Variants in SLC39A12 observed in about 807,000 individuals in gnomAD.
The protein encoded by SLC39A12 is zinc transporter ZIP12.
SLC39A12 carries 63 observed loss-of-function variants against 71.1 expected under a neutral mutation model. That is an observed-to-expected ratio of 0.89 (90% CI 0.72 to 1.09). The LOEUF (loss-of-function observed/expected upper bound fraction) is 1.09. Ranked by LOEUF, SLC39A12 falls within the 50% of genes least tolerant of loss-of-function variation. The pLI, the probability that SLC39A12 is intolerant of heterozygous loss-of-function variation, is 0.00. For synonymous variants in SLC39A12, 351 were observed against 301.3 expected, an observed-to-expected ratio of 1.16 and a Z score of -1.71; for missense variants, 892 against 812.6, an observed-to-expected ratio of 1.10 and a Z score of -1.19.
intron 12 of SLC39A12, among the ~76,000 whole-genome samples, chr10:18,036,747 TATATATA>T (rs1837038055): frequency 1.2e-4 from 1 of 8,188 alleles, no homozygotes; most frequent in Non-Finnish European, 2.2e-4. Flanking sequence ...TTTTAAAAAT[TATATATA>T]TATATATATA....
At chr10:17,984,299 A>C (rs1835347308) in intron 6 of SLC39A12, among the ~76,000 whole-genome samples, 1 of 152,258 alleles carries the variant, frequency 6.6e-6, no homozygotes, top group Admixed American at 6.5e-5. Context: ...AAGATTTGCT[A>C]ACCTCTGAAG....
At chr10:18,025,353 A>G (rs569113986) in intron 12 of SLC39A12, among the ~76,000 whole-genome samples, 55 of 152,184 alleles carry the variant, frequency 3.6e-4, no homozygotes, top group African/African-American at 1.3e-3. Context: ...ATTTAACATT[A>G]GGTGTATCTC....
At chr10:17,954,344 C>T (rs977083474) in intron 2 of SLC39A12, among the ~76,000 whole-genome samples, 1 of 152,162 alleles carries the variant, frequency 6.6e-6, no homozygotes, top group Non-Finnish European at 1.5e-5. Flanking sequence ...ACCTCCACCT[C>T]GTGGGTGCAA....
At chr10:18,041,760 T>C (rs958618307) in intron 12 of SLC39A12, among the ~76,000 whole-genome samples, 12 of 144,560 alleles carry the variant, frequency 8.3e-5, no homozygotes, top group African/African-American at 2.3e-4. Flanking sequence ...TATATGTGTA[T>C]ACATATGTAT....
rs531977383 is a variant in SLC39A12, at chr10:17,978,877, T to G, written c.924+803T>G. ...ATTTTCCAAGGGTTGTGCCTGGGCC[T>G]TTCCAAGGGCTGTGGGCAGCAGCAG... On this transcript the variant is annotated intron_variant, in intron 5 of 12. Transcript: ENST00000377369. 3.3e-5 allele frequency among the ~76,000 whole-genome samples: 5 copies of G among 152,324 alleles called. No individual in the cohort carries two copies. In the South Asian group the frequency reaches 1.0e-3, roughly 32 times the overall value.
chr10:17,987,787 T>A (rs1835440623), intron 7 of SLC39A12, 136 bp downstream of exon 7: 1 of 910,902 alleles, frequency 1.1e-6, no homozygotes, highest in Non-Finnish European at 1.6e-6. Context: ...TAAAAAGAAA[T>A]ATTATTTCCC....
chr10:17,999,391 C>G (rs569957651), intron 10 of SLC39A12, among the ~76,000 whole-genome samples: 20 of 150,382 alleles, frequency 1.3e-4, no homozygotes, highest in African/African-American at 4.6e-4. Context: ...ATATATGCAA[C>G]TGAATAATTA....
intron 12 of SLC39A12, among the ~76,000 whole-genome samples, chr10:18,039,986 C>T (rs917518129): frequency 3.9e-5 from 6 of 152,040 alleles, no homozygotes; most frequent in African/African-American, 1.2e-4. Context: ...TAGGAGGAAA[C>T]GGGGAAAGTT....
intron 4 of SLC39A12, 107 bp from the exon 5 acceptor site, chr10:17,977,795 G>T (rs950473757): frequency 9.2e-6 from 8 of 868,092 alleles, no homozygotes; most frequent in Non-Finnish European, 1.3e-5. Flanking sequence ...CTTAAAAAAT[G>T]ATAAGAATTC....
At chr10:18,042,520 A>C (rs1232591185) in intron 12 of SLC39A12, among the ~76,000 whole-genome samples, 185 bp from the exon 13 acceptor site, 1 of 151,878 alleles carries the variant, frequency 6.6e-6, no homozygotes, top group Non-Finnish European at 1.5e-5. Flanking sequence ...AACCACAATC[A>C]AATGGCTTAC....
intron 12 of SLC39A12, 40 bp from the exon 13 acceptor site, chr10:18,042,664 AT>A: frequency 6.3e-7 from 1 of 1,575,940 alleles, no homozygotes; most frequent in Non-Finnish European, 8.6e-7. Context: ...CAGCAGTTGA[AT>A]ATATCTGGAT....
chr10:18,033,414 C>A (rs961968050), intron 12 of SLC39A12, among the ~76,000 whole-genome samples: 2 of 151,438 alleles, frequency 1.3e-5, no homozygotes, highest in African/African-American at 4.9e-5. Context: ...TCCATTTCTT[C>A]TAGATTTTCT....
At chr10:17,955,031 A>T (rs973341357) in intron 2 of SLC39A12, among the ~76,000 whole-genome samples, 1 of 152,228 alleles carries the variant, frequency 6.6e-6, no homozygotes, top group Admixed American at 6.5e-5. Context: ...GCAACACAAG[A>T]TGTCCCACTG....
intron 4 of SLC39A12, among the ~76,000 whole-genome samples, chr10:17,975,276 G>T (rs74118062): frequency 6.6e-6 from 1 of 152,082 alleles, no homozygotes; most frequent in Admixed American, 6.5e-5. Flanking sequence ...TGTGGCTAAG[G>T]TGATACCTGA....
intron 12 of SLC39A12, among the ~76,000 whole-genome samples, chr10:18,014,253 T>A (rs1157896224): frequency 6.6e-6 from 1 of 152,190 alleles, no homozygotes; most frequent in Admixed American, 6.5e-5. Context: ...TTTTTTGGAT[T>A]GTTCATTGTT....
intron 12 of SLC39A12, among the ~76,000 whole-genome samples, chr10:18,041,677 A>G (rs1163707358): frequency 9.5e-3 from 1,030 of 108,552 alleles, no homozygotes; most frequent in African/African-American, 0.035. Flanking sequence ...ATATATATGT[A>G]TATACATATG....
intron 4 of SLC39A12, among the ~76,000 whole-genome samples, 170 bp from the exon 5 acceptor site, chr10:17,977,732 C>T (rs187308612): frequency 8.5e-5 from 13 of 152,232 alleles, no homozygotes; most frequent in South Asian, 2.1e-4. Context: ...AAATCCTTGA[C>T]GCAATGGAAG....
chr10:17,993,153 A>C, intron 8 of SLC39A12, 28 bp from the exon 9 acceptor site: 1 of 1,497,732 alleles, frequency 6.7e-7, no homozygotes, highest in East Asian at 2.5e-5. Context: ...TCTGGCTTCA[A>C]CACTAATTTT....
chr10:18,042,907 GA>G lies in SLC39A12; in HGVS notation c.*75del. On this transcript the variant is annotated 3_prime_UTR_variant, in exon 13 of 13. Transcript: ENST00000377369. ...TGTTTCTTTCATTGCACTCTATAATGATTTTTAAATTAAGAATTTTTTATCT... is the reference window on the plus strand; with the variant it reads ...TGTTTCTTTCATTGCACTCTATAATGTTTTTAAATTAAGAATTTTTTATCT... 7.8e-7 allele frequency: 1 copy of G among 1,288,242 alleles called. No individual in the cohort carries two copies. Among genetic ancestry groups the G allele is most frequent in the Non-Finnish European group, 1.0e-6 (1 of 968,326 alleles). 79.8% of individuals were successfully genotyped at this position (1,288,242 alleles called of 1,614,324 possible). A position where few individuals can be genotyped will look rare whatever the true frequency, so the allele number is the denominator to read the frequency against.
Sources: allele counts gnomAD v4.1 joint callset (sites outside exome capture counted in the v4.1 genomes callset), GRCh38; gene constraint gnomAD v4.1.1; transcripts MANE v1.5; gene names NCBI Gene and HGNC (gene_info 2026-07-23, HGNC 2026-07-21).